Variants in PC observed in about 807,000 individuals in gnomAD.
PC encodes pyruvate carboxylase, mitochondrial.
Under a neutral mutation model 107.8 loss-of-function variants are expected in PC, and 46 were observed. That is an observed-to-expected ratio of 0.43 (90% confidence interval 0.34 to 0.55). The LOEUF (loss-of-function observed/expected upper bound fraction) is 0.55. Among genes scored for constraint, PC ranks in the 20% least tolerant of loss-of-function variants. The probability of loss-of-function intolerance (pLI) is 0.04; values close to 1 mark genes in which losing one functional copy is unlikely to be tolerated. For synonymous variants in PC, 662 were observed against 684.7 expected, an observed-to-expected ratio of 0.97 and a Z score of 0.52; for missense variants, 1,241 against 1,643.1, an observed-to-expected ratio of 0.76 and a Z score of 4.23.
At chr11:66,883,828 G>A (rs56230646) in intron 3 of PC, among the ~76,000 whole-genome samples, 10,405 of 152,170 alleles carry the variant, frequency 0.068, 524 homozygotes, top group Middle Eastern at 0.14. Flanking sequence ...GCTCATGCTT[G>A]TAATCTCAGC....
rs11227626 is a variant in PC, at chr11:66,917,451, C to T, written c.-1+34979G>A. 6.6e-5 allele frequency among the ~76,000 whole-genome samples: 10 copies of T among 152,210 alleles called. No individual in the cohort carries two copies. The East Asian group carries it at 1.9e-3, about 29-fold the overall frequency. ...AATTGGCGTAGGTTTCCAGAGATCA[C>T]CCTTCACTTTTTCCTACCTAGGATG... On this transcript the variant is annotated intron_variant, in intron 3 of 22. Coordinates refer to ENST00000393960, the MANE Select transcript of PC (RefSeq NM_001040716.2).
chr11:66,866,875 T>C lies in PC; in HGVS notation c.1023-526A>G, dbSNP rs914534462. ...GTGAAGGCTGGGCTCCTCGAAATGG[T>C]AACCACAGCTGTGAGAGGGTTGCAC... On this transcript the variant is annotated intron_variant, in intron 10 of 22. Transcript: ENST00000393960. This position sits in a 1 kb window ranked among gnomAD's most constrained non-coding sequence, Gnocchi z 5.4. 6.6e-6 allele frequency among the ~76,000 whole-genome samples: 1 copy of C among 152,102 alleles called. No homozygotes were observed. Among genetic ancestry groups the C allele is most frequent in the Non-Finnish European group, 1.5e-5 (1 of 68,014 alleles).
In PC at chr11:66,928,556, G is replaced by A. The variant is rs374823233; in HGVS notation, c.-1+23874C>T. On this transcript the variant is annotated intron_variant, in intron 3 of 22. Transcript: ENST00000393960. ...ATTATTATTTTTGAGACAGAGTCTC[G>A]CTCTTGTTGCCCAGGCTAAAGTGCA... Among the ~76,000 whole-genome samples the A allele has an allele frequency of 4.5e-4, 69 of 151,772 alleles. 2 individuals carry two copies. In the South Asian group the frequency reaches 0.013, roughly 29 times the overall value.
At chr11:66,915,303 T>C (rs1948439235) in intron 3 of PC, among the ~76,000 whole-genome samples, 1 of 152,122 alleles carries the variant, frequency 6.6e-6, no homozygotes, top group African/African-American at 2.4e-5. Context: ...ATAACCACAG[T>C]GGGAGGGAGG....
At chr11:66,855,286 A>G (rs1360598968) in intron 12 of PC, among the ~76,000 whole-genome samples, 1 of 152,172 alleles carries the variant, frequency 6.6e-6, no homozygotes, top group Non-Finnish European at 1.5e-5. Flanking sequence ...CTGGGTGGCC[A>G]TGGTGGATGC....
Position 66,902,203 on chromosome 11 carries a change from T to C in PC, c.1-30044A>G, listed in dbSNP as rs112674567. On this transcript the variant is annotated intron_variant, in intron 3 of 22. Transcript: ENST00000393960. Reference sequence around the variant, plus strand: ...TATTCGTGACTCCTAGGAGAACATATCTTCATAGCCCCATGATCTGACCTT... The same window carrying C: ...TATTCGTGACTCCTAGGAGAACATACCTTCATAGCCCCATGATCTGACCTT... Among the ~76,000 whole-genome samples, 1,509 of 152,298 alleles carry C rather than the reference T, an allele frequency of 9.9e-3. 29 individuals are homozygous for C. Among genetic ancestry groups the C allele is most frequent in the African/African-American group, 0.033 (1,385 of 41,572 alleles).
chr11:66,896,102 G>A (rs997260472), intron 3 of PC, among the ~76,000 whole-genome samples: 1 of 151,554 alleles, frequency 6.6e-6, no homozygotes, highest in Non-Finnish European at 1.5e-5. Flanking sequence ...TCTTTCCGGA[G>A]ACAGTCTGGC....
At chr11:66,932,592 T>C (rs1948888016) in intron 3 of PC, among the ~76,000 whole-genome samples, 1 of 152,202 alleles carries the variant, frequency 6.6e-6, no homozygotes, top group African/African-American at 2.4e-5. Flanking sequence ...CTGCTAGGAA[T>C]GGCTGCATTT....
At chr11:66,898,533 C>T (rs532469208) in intron 3 of PC, among the ~76,000 whole-genome samples, 1 of 151,986 alleles carries the variant, frequency 6.6e-6, no homozygotes, top group East Asian at 1.9e-4. Context: ...TACAAAAATT[C>T]GCTGGGCGTG....
chr11:66,860,254 G>A (rs1385476911), intron 12 of PC: 4 of 1,536,402 alleles, frequency 2.6e-6, no homozygotes, highest in Non-Finnish European at 3.5e-6. Context: ...GAGGGCCCGG[G>A]GCCGCCGCCT....
At position 66,958,340 on chromosome 11, in the gene PC, C is replaced by T. The variant is rs2136170743; in HGVS notation, c.-246G>A. 6.6e-6 allele frequency: 1 copy of T among 152,588 alleles called. No homozygotes were observed. Among genetic ancestry groups the T allele is most frequent in the Admixed American group, 6.5e-5 (1 of 15,318 alleles). 9.5% of individuals were successfully genotyped at this position (152,588 alleles called of 1,614,324 possible). ...CACTCACCTCCTCGCCGTCGCCAGT[C>T]CTCGCCGCCGCCTCTACCGCTGCTG... is the stretch of plus-strand genomic sequence containing the variant. On this transcript the variant is annotated 5_prime_UTR_variant, in exon 1 of 23. Transcript: ENST00000393960.
chr11:66,940,242 A>C (rs1378169813), intron 3 of PC, among the ~76,000 whole-genome samples: 1 of 147,588 alleles, frequency 6.8e-6, no homozygotes, highest in Non-Finnish European at 1.5e-5. Flanking sequence ...TCTGTTGTCC[A>C]GGCTGGAATG....
intron 12 of PC, chr11:66,860,077 C>T: frequency 6.4e-7 from 1 of 1,558,040 alleles, no homozygotes; most frequent in Non-Finnish European, 8.7e-7. Flanking sequence ...TACGGTTATG[C>T]CAGGCGCCTG....
intron 3 of PC, among the ~76,000 whole-genome samples, chr11:66,914,287 G>A (rs977211957): frequency 4.6e-5 from 7 of 152,232 alleles, no homozygotes; most frequent in East Asian, 1.9e-4. Context: ...CGAGGTGGGC[G>A]GATCACCTGA....
chr11:66,882,221 TC>T (rs1181279994), intron 3 of PC, among the ~76,000 whole-genome samples: 1 of 152,212 alleles, frequency 6.6e-6, no homozygotes, highest in Admixed American at 6.5e-5. Flanking sequence ...CAGGCCATCA[TC>T]CCCCAAGTTT....
At chr11:66,942,218 G>A (rs369284903) in intron 3 of PC, among the ~76,000 whole-genome samples, 14 of 151,354 alleles carry the variant, frequency 9.2e-5, no homozygotes, top group African/African-American at 3.4e-4. Context: ...CTAACACGGT[G>A]AAACCCCGTC....
intron 3 of PC, among the ~76,000 whole-genome samples, chr11:66,944,433 G>A (rs1949237672): frequency 8.8e-6 from 1 of 113,936 alleles, no homozygotes; most frequent in Admixed American, 8.3e-5. Context: ...ACAAAAATTA[G>A]TTGGGCATGG....
chr11:66,912,034 GAAAGA>G (rs55982722), intron 3 of PC, among the ~76,000 whole-genome samples: 1 of 151,102 alleles, frequency 6.6e-6, no homozygotes, highest in Admixed American at 6.6e-5. Context: ...CAAGAAAAAA[GAAAGA>G]AAAGAAAAGA....
chr11:66,894,328 G>A (rs1947673911), intron 3 of PC, among the ~76,000 whole-genome samples: 1 of 152,058 alleles, frequency 6.6e-6, no homozygotes, highest in Admixed American at 6.5e-5. Flanking sequence ...CCTAGCACCT[G>A]CCCCTCTCCC....
Sources: allele counts gnomAD v4.1 joint callset (sites outside exome capture counted in the v4.1 genomes callset), GRCh38; gene constraint gnomAD v4.1.1; non-coding constraint Gnocchi (gnomAD v3.1); transcripts MANE v1.5; gene names NCBI Gene and HGNC (gene_info 2026-07-23, HGNC 2026-07-21).